Variants in CPSF7 observed in about 807,000 individuals in gnomAD.
The protein encoded by CPSF7 is cleavage and polyadenylation specificity factor subunit 7.
CPSF7 carries 1 observed loss-of-function variant against 44.3 expected under a neutral mutation model. The observed-to-expected ratio is 0.02, with a 90% CI of 0.01 to 0.11. The LOEUF (loss-of-function observed/expected upper bound fraction) is 0.11. CPSF7 is among the 10% of genes least tolerant of loss of function. The pLI is 1.00. For missense variants in CPSF7, 443 were observed against 607.2 expected (o/e 0.73, Z 2.84); for synonymous variants, 202 against 222.0 (o/e 0.91, Z 0.80).
At chr11:61,421,297 A>C (rs1443639050) in intron 3 of CPSF7, 93 bp downstream of exon 3, 1 of 1,149,510 alleles carries the variant, frequency 8.7e-7, no homozygotes, top group Non-Finnish European at 1.3e-6. Context: ...ATCAGAGCAC[A>C]AAACAGTGCA....
intron 1 of CPSF7, 110 bp downstream of exon 1, chr11:61,429,804 T>G: frequency 6.5e-7 from 1 of 1,542,704 alleles, no homozygotes. Context: ...CGCGACTCCC[T>G]CCGCCCGCAG....
rs942934778 is a variant in CPSF7 at position 61,429,958 on chromosome 11, G to C, written c.-100C>G. ...GCGGCGAGTCCGGACTAGGCCCGAAGCGCGCGAACCGCTCTCCGCCCCAGG... is the reference window on the plus strand; with the variant it reads ...GCGGCGAGTCCGGACTAGGCCCGAACCGCGCGAACCGCTCTCCGCCCCAGG... On this transcript the variant is annotated 5_prime_UTR_variant, in exon 1 of 10. Transcript: ENST00000439958. 1.1e-5 allele frequency: 15 copies of C among 1,334,828 alleles called. No homozygotes were observed. In the African/African-American group the frequency reaches 2.0e-4, roughly 17 times the overall value. The allele number at this position is 1,334,828 out of a possible 1,614,324, so 82.7% of individuals were successfully genotyped here.
chr11:61,408,982 C>T (rs1275835113), intron 9 of CPSF7, among the ~76,000 whole-genome samples: 2 of 151,588 alleles, frequency 1.3e-5, no homozygotes, highest in Non-Finnish European at 1.5e-5. Flanking sequence ...AGTTCAAGAC[C>T]AGCCTGGGCA....
chr11:61,428,312 A>G (rs1042355921), intron 2 of CPSF7, among the ~76,000 whole-genome samples: 4 of 152,174 alleles, frequency 2.6e-5, no homozygotes, highest in Non-Finnish European at 5.9e-5. Context: ...TCTCCAGAGT[A>G]GATGGGACTA....
At chr11:61,429,707 G>C in intron 1 of CPSF7, 1 of 1,523,466 alleles carries the variant, frequency 6.6e-7, no homozygotes, top group Non-Finnish European at 8.8e-7. Context: ...CCCCAACCCA[G>C]GCCTACTCTT....
At chr11:61,428,007 T>C (rs571317397) in intron 2 of CPSF7, among the ~76,000 whole-genome samples, 1 of 152,364 alleles carries the variant, frequency 6.6e-6, no homozygotes, top group African/African-American at 2.4e-5. Context: ...CAGGTCCTTA[T>C]GTGTACCCAC....
intron 7 of CPSF7, 53 bp from the exon 8 acceptor site, chr11:61,411,990 C>T (rs945267711): frequency 2.6e-6 from 4 of 1,532,596 alleles, no homozygotes; most frequent in Non-Finnish European, 3.6e-6. Context: ...GGTAAACTAA[C>T]TGGACCAAAA....
intron 4 of CPSF7, 110 bp downstream of exon 4, chr11:61,420,360 G>T: frequency 1.0e-6 from 1 of 996,906 alleles, no homozygotes; most frequent in Non-Finnish European, 1.5e-6. Flanking sequence ...AACCAAGGCA[G>T]TAAGCTGGGC....
chr11:61,409,490 CACA>C (rs1021352354), intron 9 of CPSF7, among the ~76,000 whole-genome samples: 4 of 151,936 alleles, frequency 2.6e-5, no homozygotes, highest in African/African-American at 9.7e-5. Context: ...AAACAAAAAA[CACA>C]ACAACAAAAT....
intron 8 of CPSF7, among the ~76,000 whole-genome samples, 178 bp from the exon 9 acceptor site, chr11:61,411,283 G>C (rs1431931030): frequency 6.6e-6 from 1 of 152,086 alleles, no homozygotes; most frequent in Non-Finnish European, 1.5e-5. Context: ...ATGATTAACA[G>C]GTAAATTTAT....
intron 9 of CPSF7, among the ~76,000 whole-genome samples, chr11:61,405,244 GA>G (rs1436033996): frequency 6.6e-6 from 1 of 152,144 alleles, no homozygotes; most frequent in African/African-American, 2.4e-5. Context: ...ACATACACAG[GA>G]AACTCTTAAA....
In CPSF7 at chr11:61,419,944, C is replaced by T; in HGVS notation, c.523+5G>A. On this transcript the variant is annotated splice_donor_5th_base_variant and intron_variant, in intron 5 of 9. Coordinates refer to ENST00000439958, the MANE Select transcript of CPSF7 (RefSeq NM_001142565.3). ...TACCCCCTCTTGGGACTCGGACACA[C>T]TCACGTTTCCGAGCCTGTGCCTCAA... The T allele has an allele frequency of 6.2e-7, 1 of 1,613,894 alleles. No homozygotes were observed. Among genetic ancestry groups the T allele is most frequent in the African/African-American group, 1.3e-5 (1 of 75,010 alleles).
chr11:61,414,938 T>C (rs984663432), intron 7 of CPSF7, among the ~76,000 whole-genome samples: 6 of 152,184 alleles, frequency 3.9e-5, no homozygotes, highest in Non-Finnish European at 7.3e-5. Context: ...TCAGATTTCA[T>C]AGCAAACCAT....
At chr11:61,417,037 T>C (rs902994256) in intron 5 of CPSF7, among the ~76,000 whole-genome samples, 53 of 152,108 alleles carry the variant, frequency 3.5e-4, no homozygotes, top group African/African-American at 1.2e-3. Context: ...AGGAACTGGA[T>C]GGCACTTCTA....
intron 7 of CPSF7, among the ~76,000 whole-genome samples, chr11:61,413,193 G>T (rs1325268980): frequency 1.3e-5 from 2 of 152,030 alleles, no homozygotes. Flanking sequence ...CTAAAGTGCT[G>T]GGATTATAGG....
intron 7 of CPSF7, among the ~76,000 whole-genome samples, chr11:61,412,350 C>T (rs184895524): frequency 1.1e-4 from 16 of 151,190 alleles, no homozygotes; most frequent in Non-Finnish European, 1.9e-4. Context: ...GTGCAGTGGC[C>T]GTGATCTCGG....
At chr11:61,407,398 A>C (rs1029558706) in intron 9 of CPSF7, among the ~76,000 whole-genome samples, 6 of 152,214 alleles carry the variant, frequency 3.9e-5, no homozygotes, top group Non-Finnish European at 7.3e-5. Context: ...GTGCAGACTC[A>C]AACAAGAAAA....
chr11:61,423,759 T>A (rs1431661375), intron 2 of CPSF7, among the ~76,000 whole-genome samples: 8 of 152,186 alleles, frequency 5.3e-5, no homozygotes, highest in Non-Finnish European at 2.9e-5. Flanking sequence ...CGGCAATAAC[T>A]GCTAATTCTG....
intron 2 of CPSF7, among the ~76,000 whole-genome samples, chr11:61,424,618 A>G (rs1861185192): frequency 6.6e-6 from 1 of 152,212 alleles, no homozygotes; most frequent in Non-Finnish European, 1.5e-5. Flanking sequence ...ACACCCAGCT[A>G]ATTTTTGTAT....
Sources: allele counts gnomAD v4.1 joint callset (sites outside exome capture counted in the v4.1 genomes callset), GRCh38; gene constraint gnomAD v4.1.1; transcripts MANE v1.5; gene names NCBI Gene and HGNC (gene_info 2026-07-23, HGNC 2026-07-21).